Variants in CTNNA2 observed in about 807,000 individuals in gnomAD.
CTNNA2 encodes the protein catenin alpha-2.
Under a neutral mutation model 101.0 loss-of-function variants are expected in CTNNA2, and 42 were observed. The ratio of observed to expected loss-of-function variants is 0.42; its 90% confidence interval spans 0.32 to 0.54. The LOEUF (loss-of-function observed/expected upper bound fraction) is 0.54, where lower values mean the gene tolerates loss of function less well. CTNNA2 is among the 20% of genes least tolerant of loss of function. CTNNA2 has a pLI of 0.14. For synonymous variants in CTNNA2, 450 were observed against 456.4 expected, an observed-to-expected ratio of 0.99 and a Z score of 0.18; for missense variants, 871 against 1,223.1, an observed-to-expected ratio of 0.71 and a Z score of 4.29.
intron 6 of CTNNA2, among the ~76,000 whole-genome samples, chr2:79,893,277 G>T (rs996155394): frequency 1.3e-5 from 2 of 152,022 alleles, no homozygotes; most frequent in Admixed American, 1.3e-4. Flanking sequence ...AGGCTTCCAT[G>T]CCTCTCTTCT....
intron 11 of CTNNA2, 98 bp downstream of exon 11, chr2:80,546,161 C>G (rs1029301727): frequency 1.7e-5 from 24 of 1,439,946 alleles, no homozygotes; most frequent in Non-Finnish European, 2.1e-5. Flanking sequence ...GTGTTTCAGG[C>G]GCACTCCTTA....
chr2:79,279,702 G>A (rs914003644), intron 2 of CTNNA2, among the ~76,000 whole-genome samples: 1 of 152,186 alleles, frequency 6.6e-6, no homozygotes. Flanking sequence ...AGTAAAGTTT[G>A]GTAAGACCAT....
At chr2:80,623,988 TATAA>T (rs72506142) in intron 18 of CTNNA2, among the ~76,000 whole-genome samples, 45,694 of 151,676 alleles carry the variant, frequency 0.3, 7,877 homozygotes, top group East Asian at 0.45. Flanking sequence ...GGTTATTAAA[TATAA>T]ATAATCAGTG....
At chr2:80,316,241 CT>C (rs141590289) in intron 7 of CTNNA2, among the ~76,000 whole-genome samples, 42 of 151,626 alleles carry the variant, frequency 2.8e-4, no homozygotes, top group South Asian at 4.2e-4. Context: ...TGTCCTGTGC[CT>C]TTTTTTTAAT....
intron 2 of CTNNA2, among the ~76,000 whole-genome samples, chr2:79,228,472 G>A (rs1283940466): frequency 2.0e-5 from 3 of 152,166 alleles, no homozygotes; most frequent in Admixed American, 1.3e-4. Context: ...CTATTTCATT[G>A]TGGTTTTTAT....
At chr2:79,277,751 G>A (rs1211827220) in intron 2 of CTNNA2, among the ~76,000 whole-genome samples, 1 of 152,066 alleles carries the variant, frequency 6.6e-6, no homozygotes, top group African/African-American at 2.4e-5. Flanking sequence ...ATGCTTTTAA[G>A]AATGGGAAAA....
intron 2 of CTNNA2, among the ~76,000 whole-genome samples, chr2:79,254,496 G>C (rs998451265): frequency 6.6e-6 from 1 of 152,268 alleles, no homozygotes; most frequent in East Asian, 1.9e-4. Context: ...GCCATGTGAA[G>C]GGCTGGCTCC....
In CTNNA2 at chr2:79,478,376, C is replaced by T. The variant is rs1323837352; in HGVS notation, c.-134-26678C>T. Among the ~76,000 whole-genome samples the T allele has an allele frequency of 3.3e-5, 5 of 152,100 alleles. No homozygotes were observed. The East Asian group carries it at 9.6e-4, about 29-fold the overall frequency. On this transcript the variant is annotated intron_variant, in intron 4 of 21. Transcript: ENST00000466387. ...TGGAATTTCTTAAGTGTGTCTTTTCCATACTTTATTTCATTATCTCCCGGC... is the reference window on the plus strand; with the variant it reads ...TGGAATTTCTTAAGTGTGTCTTTTCTATACTTTATTTCATTATCTCCCGGC...
At chr2:79,694,367 C>T (rs1038974861) in intron 2 of CTNNA2, among the ~76,000 whole-genome samples, 7 of 151,906 alleles carry the variant, frequency 4.6e-5, no homozygotes, top group Non-Finnish European at 8.8e-5. Flanking sequence ...TGGGCATCAT[C>T]GTGATTGCAA....
At chr2:79,439,623 G>T (rs1175093132) in intron 4 of CTNNA2, among the ~76,000 whole-genome samples, 1 of 152,104 alleles carries the variant, frequency 6.6e-6, no homozygotes, top group African/African-American at 2.4e-5. Context: ...TTGGGATCTT[G>T]CTAAAAATGC....
chr2:79,246,865 G>GT (rs1310726229), intron 2 of CTNNA2, among the ~76,000 whole-genome samples: 1 of 152,220 alleles, frequency 6.6e-6, no homozygotes, highest in African/African-American at 2.4e-5. Context: ...ATCTGAGGTA[G>GT]AAGTAGAGGA....
chr2:80,538,293 T>G (rs1573185555), intron 9 of CTNNA2, among the ~76,000 whole-genome samples: 1 of 152,258 alleles, frequency 6.6e-6, no homozygotes, highest in East Asian at 1.9e-4. Flanking sequence ...TCGTGAAGCC[T>G]TTGCCCATGC....
chr2:80,534,778 A>G (rs1186797692), intron 9 of CTNNA2, among the ~76,000 whole-genome samples: 5 of 152,190 alleles, frequency 3.3e-5, no homozygotes, highest in South Asian at 2.1e-4. Context: ...AGCAAGGACT[A>G]TGGTCACAGG....
At chr2:79,855,522 G>A (rs1320515192) in intron 3 of CTNNA2, among the ~76,000 whole-genome samples, 2 of 152,182 alleles carry the variant, frequency 1.3e-5, no homozygotes, top group African/African-American at 4.8e-5. Flanking sequence ...GGTTCATTCC[G>A]AATGTTCAAT....
chr2:80,108,503 C>G (rs567739798), intron 7 of CTNNA2, among the ~76,000 whole-genome samples: 72 of 152,316 alleles, frequency 4.7e-4, no homozygotes, highest in African/African-American at 1.4e-3. Flanking sequence ...TCCTCCATCC[C>G]AGTTGACTTT....
chr2:79,590,853 C>T (rs1676801983), intron 1 of CTNNA2, among the ~76,000 whole-genome samples: 1 of 152,118 alleles, frequency 6.6e-6, no homozygotes, highest in Admixed American at 6.5e-5. Flanking sequence ...ATTACCAAAA[C>T]CTTTTAACAT....
intron 2 of CTNNA2, among the ~76,000 whole-genome samples, chr2:79,723,589 T>C (rs1407021239): frequency 3.9e-5 from 6 of 152,220 alleles, no homozygotes; most frequent in Non-Finnish European, 7.3e-5. Context: ...AATCCCCATG[T>C]AGCTTTCAGA....
In CTNNA2 at chr2:79,395,219, G is replaced by A. The variant is rs369402151; in HGVS notation, c.-135+21206G>A. Among the ~76,000 whole-genome samples, 8 of 151,902 alleles carry A rather than the reference G, an allele frequency of 5.3e-5. No homozygotes were observed. The East Asian group carries it at 5.8e-4, about 11-fold the overall frequency. ...ACCTTTCCTAAGGCCTTTCTTTGTCGTGAAAATATTGACAATATTTTCTTT... is the reference window on the plus strand; with the variant it reads ...ACCTTTCCTAAGGCCTTTCTTTGTCATGAAAATATTGACAATATTTTCTTT... On this transcript the variant is annotated intron_variant, in intron 4 of 21. Transcript: ENST00000466387.
intron 9 of CTNNA2, among the ~76,000 whole-genome samples, chr2:80,445,862 G>T (rs903052927): frequency 6.6e-6 from 1 of 152,138 alleles, no homozygotes; most frequent in African/African-American, 2.4e-5. Flanking sequence ...GCATGTAGCC[G>T]TCAAGATCAG....
Sources: gnomAD v4.1 joint callset for allele counts (sites outside exome capture counted in the v4.1 genomes callset) on GRCh38, gnomAD v4.1.1 for gene constraint, MANE v1.5 for transcripts, NCBI Gene and HGNC (gene_info 2026-07-23, HGNC 2026-07-21) for gene names.